The following SRD5A3 variants were observed in gnomAD, a reference collection of about 807,000 sequenced individuals.
The protein encoded by SRD5A3 is steroid 5 alpha-reductase 3.
Under a neutral mutation model 34.3 loss-of-function variants are expected in SRD5A3, and 24 were observed. The ratio of observed to expected loss-of-function variants is 0.70; its 90% confidence interval spans 0.51 to 0.99. SRD5A3 has a LOEUF of 0.99. Among genes scored for constraint, SRD5A3 ranks in the 50% least tolerant of loss-of-function variants. The probability of loss-of-function intolerance (pLI) is 0.00; values close to 1 mark genes in which losing one functional copy is unlikely to be tolerated. For synonymous variants in SRD5A3, 161 were observed against 167.3 expected (o/e 0.96, Z 0.29); for missense variants, 350 against 388.2 (o/e 0.90, Z 0.83).
At chr4:55,369,354 C>T (rs1437424444) in intron 4 of SRD5A3, among the ~76,000 whole-genome samples, 1 of 152,148 alleles carries the variant, frequency 6.6e-6, no homozygotes, top group Non-Finnish European at 1.5e-5. Context: ...TTAACCTAAG[C>T]ATATAACTTT....
intron 1 of SRD5A3, among the ~76,000 whole-genome samples, chr4:55,353,764 A>G (rs555854983): frequency 1.3e-5 from 2 of 152,126 alleles, no homozygotes; most frequent in East Asian, 3.9e-4. Flanking sequence ...CTGCGGCTTC[A>G]CTCCTGAAGT....
chr4:55,362,447 TTTTTTCTTTC>T (rs1484572360), intron 2 of SRD5A3, among the ~76,000 whole-genome samples: 1 of 151,846 alleles, frequency 6.6e-6, no homozygotes, highest in Non-Finnish European at 1.5e-5. Flanking sequence ...TTTGTTTCAT[TTTTTTCTTTC>T]TTTTTCTTTT....
rs555991253 is a variant in SRD5A3, at chr4:55,362,756, G to A, written c.365-1318G>A. 5.9e-5 allele frequency among the ~76,000 whole-genome samples: 9 copies of A among 151,892 alleles called. No individual in the cohort carries two copies. In the South Asian group the frequency reaches 1.7e-3, roughly 28 times the overall value. ...TTCTGGATCTGGGTGCTGTTACATG[G>A]GTGGGATTGGTTGGCTTAATTTGTA... On this transcript the variant is annotated intron_variant, in intron 2 of 4. Coordinates refer to ENST00000264228, the MANE Select transcript of SRD5A3 (RefSeq NM_024592.5).
At chr4:55,353,507 A>G (rs1026139521) in intron 1 of SRD5A3, among the ~76,000 whole-genome samples, 2 of 152,198 alleles carry the variant, frequency 1.3e-5, no homozygotes, top group African/African-American at 2.4e-5. Flanking sequence ...AAAGCTGGCC[A>G]CCCGAGCCAG....
In SRD5A3 at chr4:55,364,339, C is replaced by T. The variant is rs1378645082; in HGVS notation, c.562+68C>T. On this transcript the variant is annotated intron_variant, in intron 3 of 4. Transcript: ENST00000264228. Reference sequence around the variant, plus strand: ...GTATGATGCGCTCTCGGGGCTTGTGCTGTGCTAAGCATTATGAGACATGCA... The same window carrying T: ...GTATGATGCGCTCTCGGGGCTTGTGTTGTGCTAAGCATTATGAGACATGCA... The T allele has an allele frequency of 7.9e-6, 12 of 1,521,134 alleles. No individual in the cohort carries two copies. In the Admixed American group the frequency reaches 1.2e-4, roughly 15 times the overall value. The allele number at this position is 1,521,134 out of a possible 1,614,324, so 94.2% of individuals were successfully genotyped here.
chr4:55,368,489 A>G (rs1375539232), intron 4 of SRD5A3, among the ~76,000 whole-genome samples: 1 of 147,004 alleles, frequency 6.8e-6, no homozygotes, highest in Non-Finnish European at 1.5e-5. Flanking sequence ...CAGTGGCACA[A>G]TCTCGGCTCA....
At position 55,364,432 on chromosome 4, in the gene SRD5A3, C is replaced by T. The variant is rs561384144; in HGVS notation, c.562+161C>T. 652 of 813,722 alleles carry T rather than the reference C, an allele frequency of 8.0e-4. 1 individual carries two copies. Among genetic ancestry groups the T allele is most frequent in the Non-Finnish European group, 1.1e-3 (540 of 501,104 alleles). 50.4% of individuals were successfully genotyped at this position (813,722 alleles called of 1,614,324 possible). ...GAGACTCAAGTCGATTTTAAAAGGC[C>T]GGGCGTGGTCGCTTACACCTGTAAT... On this transcript the variant is annotated intron_variant, in intron 3 of 4. Transcript: ENST00000264228.
intron 1 of SRD5A3, among the ~76,000 whole-genome samples, chr4:55,349,197 G>T (rs537539137): frequency 2.6e-4 from 39 of 152,140 alleles, no homozygotes; most frequent in African/African-American, 9.2e-4. Context: ...ACCATGCCTG[G>T]CTAATTTTTG....
At chr4:55,349,366 G>A (rs1460810368) in intron 1 of SRD5A3, among the ~76,000 whole-genome samples, 3 of 152,126 alleles carry the variant, frequency 2.0e-5, no homozygotes, top group South Asian at 2.1e-4. Context: ...ATGAAAATAA[G>A]TTCATAATTG....
intron 1 of SRD5A3, among the ~76,000 whole-genome samples, chr4:55,350,637 T>C (rs1391794829): frequency 1.3e-5 from 2 of 152,180 alleles, no homozygotes; most frequent in East Asian, 1.9e-4. Context: ...GATGAGAACA[T>C]CAATTTTGAA....
At chr4:55,362,131 C>CT (rs11356354) in intron 2 of SRD5A3, among the ~76,000 whole-genome samples, 2,283 of 142,754 alleles carry the variant, frequency 0.016, 52 homozygotes, top group African/African-American at 0.047. Context: ...TCTGTTTCTT[C>CT]TTTTTTTTTT....
At chr4:55,346,607 G>C in intron 1 of SRD5A3, 50 bp downstream of exon 1, 1 of 1,475,832 alleles carries the variant, frequency 6.8e-7, no homozygotes, top group Non-Finnish European at 9.0e-7. Context: ...CTGAGAGTTC[G>C]GGGCGCCCCG....
At chr4:55,364,876 G>C (rs528429609) in intron 3 of SRD5A3, 1 of 155,928 alleles carries the variant, frequency 6.4e-6, no homozygotes, top group South Asian at 1.9e-4. Context: ...AGAGGACAAA[G>C]AGTACTGTGG....
intron 2 of SRD5A3, 30 bp from the exon 3 acceptor site, chr4:55,364,044 A>G: frequency 2.5e-6 from 4 of 1,611,978 alleles, no homozygotes; most frequent in Non-Finnish European, 3.4e-6. Context: ...CAGAAGAGAA[A>G]TGCTGACCCT....
At chr4:55,349,749 A>G (rs1719120112) in intron 1 of SRD5A3, among the ~76,000 whole-genome samples, 1 of 152,184 alleles carries the variant, frequency 6.6e-6, no homozygotes, top group Admixed American at 6.5e-5. Flanking sequence ...TCTAGAGGCA[A>G]AAAGAGCTGC....
chr4:55,369,130 T>C (rs1720023782), intron 4 of SRD5A3, among the ~76,000 whole-genome samples: 1 of 152,176 alleles, frequency 6.6e-6, no homozygotes, highest in African/African-American at 2.4e-5. Flanking sequence ...AATGCCGACA[T>C]GAGATGACTA....
At chr4:55,360,116 G>T (rs1399847836) in intron 2 of SRD5A3, among the ~76,000 whole-genome samples, 1 of 151,914 alleles carries the variant, frequency 6.6e-6, no homozygotes, top group Non-Finnish European at 1.5e-5. Context: ...TCGGGAGGCT[G>T]AGGCAGGAGA....
chr4:55,357,399 G>A (rs1009520884), intron 1 of SRD5A3, among the ~76,000 whole-genome samples: 4 of 152,212 alleles, frequency 2.6e-5, no homozygotes, highest in Non-Finnish European at 2.9e-5. Flanking sequence ...CTTTTCCTGG[G>A]AGCCTGCAGA....
Position 55,353,529 on chromosome 4 carries a change from C to T in SRD5A3, c.222-5817C>T, listed in dbSNP as rs183036978. ...GCCACCCGAGCCAGCAGCGCCAAGTCACTGGGGGTCCCCTTCTACCCTGTG... is the reference window on the plus strand; with the variant it reads ...GCCACCCGAGCCAGCAGCGCCAAGTTACTGGGGGTCCCCTTCTACCCTGTG... On this transcript the variant is annotated intron_variant, in intron 1 of 4. Transcript: ENST00000264228. Among the ~76,000 whole-genome samples the T allele has an allele frequency of 3.4e-4, 52 of 152,324 alleles. 1 individual carries two copies. In the East Asian group the frequency reaches 6.8e-3, roughly 20 times the overall value.
Sources: allele counts gnomAD v4.1 joint callset (sites outside exome capture counted in the v4.1 genomes callset), GRCh38; gene constraint gnomAD v4.1.1; transcripts MANE v1.5; gene names NCBI Gene and HGNC (gene_info 2026-07-23, HGNC 2026-07-21).